RAB22A: variants seen among roughly 807,000 people sequenced by gnomAD.
RAB22A encodes ras-related protein Rab-22A.
RAB22A carries 13 observed loss-of-function variants against 30.2 expected under a neutral mutation model. That is an observed-to-expected ratio of 0.43 (90% CI 0.28 to 0.68). The LOEUF is 0.68. RAB22A is among the 30% of genes least tolerant of loss of function. RAB22A has a pLI of 0.18. For synonymous variants in RAB22A, 89 were observed against 87.2 expected, an observed-to-expected ratio of 1.02 and a Z score of -0.11; for missense variants, 177 against 246.8, an observed-to-expected ratio of 0.72 and a Z score of 1.89.
chr20:58,359,569 A>G (rs760425289), intron 6 of RAB22A, 37 bp from the exon 7 acceptor site: 7 of 1,472,548 alleles, frequency 4.8e-6, no homozygotes, highest in Non-Finnish European at 6.6e-6. Context: ...TGAGAAAGTT[A>G]AAGCTCACTC....
At chr20:58,336,640 G>C (rs1024216960) in intron 2 of RAB22A, among the ~76,000 whole-genome samples, 4 of 152,200 alleles carry the variant, frequency 2.6e-5, no homozygotes, top group African/African-American at 9.7e-5. Context: ...ATATTCAGTA[G>C]TAATTCAAAC....
chr20:58,334,030 T>TA lies in RAB22A; in HGVS notation c.117-9679dup, dbSNP rs956487757. On this transcript the variant is annotated intron_variant, in intron 2 of 6. Transcript: ENST00000244040. ...CCATTATTGTGCCATTACACTTCTT[T>TA]AAAAAAAAATTTTTTTTTGGCCAGG... Among the ~76,000 whole-genome samples the TA allele has an allele frequency of 1.6e-4, 25 of 151,866 alleles. No individual in the cohort carries two copies. In the East Asian group the frequency reaches 3.5e-3, roughly 21 times the overall value.
At chr20:58,323,396 A>G (rs561092262) in intron 2 of RAB22A, among the ~76,000 whole-genome samples, 2 of 152,118 alleles carry the variant, frequency 1.3e-5, no homozygotes, top group African/African-American at 4.8e-5. Flanking sequence ...TGTTCTCTGT[A>G]TACTTTTATA....
At chr20:58,331,421 A>T (rs1986658381) in intron 2 of RAB22A, among the ~76,000 whole-genome samples, 1 of 152,232 alleles carries the variant, frequency 6.6e-6, no homozygotes, top group Non-Finnish European at 1.5e-5. Context: ...ATGACCACAG[A>T]CAGCTGTATC....
Position 58,309,886 on chromosome 20 carries a change from G to C in RAB22A, c.-91G>C, listed in dbSNP as rs1369097266. 2.5e-6 allele frequency: 3 copies of C among 1,190,608 alleles called. No individual in the cohort carries two copies. Among genetic ancestry groups the C allele is most frequent in the Admixed American group, 4.3e-5 (1 of 23,516 alleles). 73.8% of individuals were successfully genotyped at this position (1,190,608 alleles called of 1,614,324 possible). A position where few individuals can be genotyped will look rare whatever the true frequency, so the allele number is the denominator to read the frequency against. On this transcript the variant is annotated 5_prime_UTR_variant, in exon 1 of 7. Transcript: ENST00000244040. ...GCGGACCGGGGCTGGGCCGTGCGGCGGCAGCGGCGCCAGGGGATGCTCTTG... is the reference window on the plus strand; with the variant it reads ...GCGGACCGGGGCTGGGCCGTGCGGCCGCAGCGGCGCCAGGGGATGCTCTTG...
intron 2 of RAB22A, among the ~76,000 whole-genome samples, chr20:58,329,221 T>C (rs1398798805): frequency 6.6e-6 from 1 of 151,922 alleles, no homozygotes; most frequent in Non-Finnish European, 1.5e-5. Flanking sequence ...GCCCAGCTAA[T>C]TTTTTGTATT....
In RAB22A at chr20:58,353,443, A is replaced by G. The variant is rs746075422; in HGVS notation, c.282A>G (p.Ser94=). The G allele has an allele frequency of 6.2e-7, 1 of 1,613,196 alleles. No individual in the cohort carries two copies. The change falls in exon 5 of 7, where the codon TCA becomes TCG. Residue 94 remains serine (S), a synonymous_variant. Transcript: ENST00000244040. ...TTTGTGTGTTACAGGAGACATTTTCAACATTAAAGAATTGGGTGAAAGAGC... is the reference window on the plus strand; with the variant it reads ...TTTGTGTGTTACAGGAGACATTTTCGACATTAAAGAATTGGGTGAAAGAGC... ...VYDITKEETF[S]TLKNWVKELR... is the part of the protein sequence containing the mutation.
chr20:58,311,398 A>G (rs1319777373), intron 2 of RAB22A, among the ~76,000 whole-genome samples: 1 of 152,238 alleles, frequency 6.6e-6, no homozygotes, highest in Non-Finnish European at 1.5e-5. Flanking sequence ...GTCTATAAAT[A>G]TCAACAGCAA....
At chr20:58,316,113 G>A (rs955089260) in intron 2 of RAB22A, among the ~76,000 whole-genome samples, 4 of 152,054 alleles carry the variant, frequency 2.6e-5, no homozygotes, top group African/African-American at 7.2e-5. Flanking sequence ...CTGATTGTCT[G>A]TGCAAACTCA....
rs751269176 is a variant in RAB22A at position 58,361,750 on chromosome 20, G to A, written c.*2047G>A. 5.9e-5 allele frequency: 9 copies of A among 152,114 alleles called. No individual in the cohort carries two copies. The East Asian group carries it at 7.7e-4, about 13-fold the overall frequency. 9.4% of individuals were successfully genotyped at this position (152,114 alleles called of 1,614,324 possible). ...ATTACCAAAGAGGCAAAGCATGTGC[G>A]ACCCTTTCTGTCTTATTTTACCAAA... On this transcript the variant is annotated 3_prime_UTR_variant, in exon 7 of 7. Transcript: ENST00000244040.
chr20:58,346,874 C>A (rs1986958343), intron 3 of RAB22A, among the ~76,000 whole-genome samples: 2 of 152,174 alleles, frequency 1.3e-5, no homozygotes, highest in Non-Finnish European at 1.5e-5. Context: ...GGGATTGTCA[C>A]CTGTTTCCTT....
Position 58,353,434 on chromosome 20 carries a change from G to A in RAB22A, c.273G>A (p.Glu91=). 1 of 1,612,688 alleles carries A rather than the reference G, an allele frequency of 6.2e-7. No homozygotes were observed. Among genetic ancestry groups the A allele is most frequent in the Non-Finnish European group, 8.5e-7 (1 of 1,178,698 alleles). ...GCTCTCTTTTTTGTGTGTTACAGGA[G>A]ACATTTTCAACATTAAAGAATTGGG... ...AIIVYDITKE[E]TFSTLKNWVK... is the part of the protein sequence containing the mutation. Residue 91 remains glutamate (E), a splice_region_variant and synonymous_variant, in exon 5 of 7, where the codon GAG becomes GAA. Transcript: ENST00000244040.
chr20:58,350,119 T>C (rs1453019420), intron 3 of RAB22A, among the ~76,000 whole-genome samples: 2 of 150,922 alleles, frequency 1.3e-5, no homozygotes, highest in Non-Finnish European at 2.9e-5. Context: ...AAAAGGAGTG[T>C]TAATGACTTA....
In RAB22A at chr20:58,366,956, C is replaced by CT. The variant is rs1987330407; in HGVS notation, c.*7256dup. The CT allele has an allele frequency of 6.6e-6, 1 of 152,572 alleles. No individual in the cohort carries two copies. The highest frequency in any genetic ancestry group is 1.5e-5 in the Non-Finnish European group (1 of 68,030). The allele number at this position is 152,572 out of a possible 1,614,324, so 9.5% of individuals were successfully genotyped here. A position where few individuals can be genotyped will look rare whatever the true frequency, so the allele number is the denominator to read the frequency against. ...CTAAGCCGTCCTACCAGCAATCTCT[C>CT]TTTCTCCTAAGAATGTCATGCCTTC... On this transcript the variant is annotated 3_prime_UTR_variant, in exon 7 of 7. Coordinates refer to ENST00000244040, the MANE Select transcript of RAB22A (RefSeq NM_020673.3).
At chr20:58,313,654 CATCTA>C (rs1986275444) in intron 2 of RAB22A, among the ~76,000 whole-genome samples, 1 of 152,190 alleles carries the variant, frequency 6.6e-6, no homozygotes, top group Admixed American at 6.5e-5. Flanking sequence ...TACCAGTTTC[CATCTA>C]ATAGCCAAAG....
In RAB22A at chr20:58,362,264, T is replaced by G. The variant is rs1039071068; in HGVS notation, c.*2561T>G. On this transcript the variant is annotated 3_prime_UTR_variant, in exon 7 of 7. Transcript: ENST00000244040. Reference sequence around the variant, plus strand: ...TATTTTCACTTATTTTATTTGCTTCTAAAATGCAAAGATGAATACTAAAGT... The same window carrying G: ...TATTTTCACTTATTTTATTTGCTTCGAAAATGCAAAGATGAATACTAAAGT... The G allele has an allele frequency of 6.6e-6, 1 of 152,266 alleles. No homozygotes were observed. The highest frequency in any genetic ancestry group is 6.5e-5 in the Admixed American group (1 of 15,284). The allele number at this position is 152,266 out of a possible 1,614,324, so 9.4% of individuals were successfully genotyped here. A position where few individuals can be genotyped will look rare whatever the true frequency, so the allele number is the denominator to read the frequency against.
At chr20:58,344,077 G>A (rs937250617) in intron 3 of RAB22A, among the ~76,000 whole-genome samples, 2 of 152,186 alleles carry the variant, frequency 1.3e-5, no homozygotes, top group African/African-American at 4.8e-5. Context: ...ATCCCACTCA[G>A]AGCACTGTGT....
rs1344936712 is a variant in RAB22A, at chr20:58,367,222, G to C, written c.*7519G>C. ...ACTTTATTTTTGCAGTCTTAACCTT[G>C]GGCTGGACCTAAGTGTATGTAAACC... On this transcript the variant is annotated 3_prime_UTR_variant, in exon 7 of 7. Transcript: ENST00000244040. The C allele has an allele frequency of 6.6e-6, 1 of 152,164 alleles. No individual in the cohort carries two copies. Among genetic ancestry groups the C allele is most frequent in the Non-Finnish European group, 1.5e-5 (1 of 68,032 alleles). 9.4% of individuals were successfully genotyped at this position (152,164 alleles called of 1,614,324 possible). A position where few individuals can be genotyped will look rare whatever the true frequency, so the allele number is the denominator to read the frequency against.
rs1322120649 is a variant in RAB22A at position 58,365,529 on chromosome 20, A to G, written c.*5826A>G. The G allele has an allele frequency of 6.6e-6, 1 of 152,270 alleles. No individual in the cohort carries two copies. Among genetic ancestry groups the G allele is most frequent in the Non-Finnish European group, 1.5e-5 (1 of 68,050 alleles). 9.4% of individuals were successfully genotyped at this position (152,270 alleles called of 1,614,324 possible). On this transcript the variant is annotated 3_prime_UTR_variant, in exon 7 of 7. Transcript: ENST00000244040. ...TTGTTTATATTCACTTACCTTGTAT[A>G]TGAACTTATGACATTAGAGTTTGTG...
Sources: allele counts gnomAD v4.1 joint callset (sites outside exome capture counted in the v4.1 genomes callset), GRCh38; gene constraint gnomAD v4.1.1; transcripts MANE v1.5; gene names NCBI Gene and HGNC (gene_info 2026-07-23, HGNC 2026-07-21).